The following C9orf153 variants were observed in gnomAD, a reference collection of about 807,000 sequenced individuals.
C9orf153 encodes uncharacterized protein C9orf153.
A neutral mutation model predicts 9.0 loss-of-function variants in C9orf153; 10 were observed. That is an observed-to-expected ratio of 1.11 (90% CI 0.69 to 1.89). C9orf153 has a LOEUF of 1.89. Ranked by LOEUF, C9orf153 falls within the 40% of genes most tolerant of loss-of-function variation. The pLI is 0.00. For missense variants in C9orf153, 108 were observed against 111.0 expected, an observed-to-expected ratio of 0.97 and a Z score of 0.12; for synonymous variants, 35 against 37.3, an observed-to-expected ratio of 0.94 and a Z score of 0.23.
chr9:86,235,674 G>A (rs1176705108), intron 1 of C9orf153, among the ~76,000 whole-genome samples: 5 of 144,834 alleles, frequency 3.5e-5, no homozygotes, highest in East Asian at 4.2e-4. Flanking sequence ...CCCAGGAGGC[G>A]GAGGTTGCAC....
intron 1 of C9orf153, among the ~76,000 whole-genome samples, chr9:86,248,179 G>C (rs1181961882): frequency 6.6e-6 from 1 of 152,072 alleles, no homozygotes; most frequent in Non-Finnish European, 1.5e-5. Flanking sequence ...TGTTGCCCAG[G>C]CTGGAGTGCA....
At chr9:86,233,440 A>G (rs1824512727) in intron 1 of C9orf153, among the ~76,000 whole-genome samples, 2 of 151,806 alleles carry the variant, frequency 1.3e-5, no homozygotes, top group Non-Finnish European at 1.5e-5. Flanking sequence ...TTTTTGAGAC[A>G]GAGTCTGGTT....
At chr9:86,224,940 C>CAAA (rs35723282) in intron 3 of C9orf153, among the ~76,000 whole-genome samples, 1,028 of 73,778 alleles carry the variant, frequency 0.014, 38 homozygotes, top group African/African-American at 0.051. Context: ...GACTCCGTCT[C>CAAA]AAAAAAAAAA....
At chr9:86,227,200 G>A in intron 3 of C9orf153, 1 of 878,788 alleles carries the variant, frequency 1.1e-6, no homozygotes, top group South Asian at 5.2e-5. Context: ...AGGCTGAAAT[G>A]CAGTGGTGTG....
At chr9:86,250,192 C>G (rs1226434402) in intron 1 of C9orf153, among the ~76,000 whole-genome samples, 7 of 151,992 alleles carry the variant, frequency 4.6e-5, no homozygotes, top group Non-Finnish European at 8.8e-5. Context: ...ATGTTTTTTT[C>G]TTTTTAAACT....
chr9:86,236,939 TAAA>T (rs57214746), intron 1 of C9orf153, among the ~76,000 whole-genome samples: 1 of 79,992 alleles, frequency 1.3e-5, no homozygotes, highest in Non-Finnish European at 2.9e-5. Context: ...CGTCTCTAAA[TAAA>T]AAAAAAAAAA....
chr9:86,230,596 C>T (rs1824449044), intron 1 of C9orf153, among the ~76,000 whole-genome samples: 1 of 152,188 alleles, frequency 6.6e-6, no homozygotes, highest in Non-Finnish European at 1.5e-5. Flanking sequence ...CCACCACGCC[C>T]AGCTGGATAG....
At chr9:86,226,996 C>T (rs759979349) in intron 3 of C9orf153, among the ~76,000 whole-genome samples, 3 of 152,190 alleles carry the variant, frequency 2.0e-5, no homozygotes, top group African/African-American at 4.8e-5. Flanking sequence ...GAACTCCTGA[C>T]CTCAGGTGAT....
At chr9:86,248,472 G>A (rs776985487) in intron 1 of C9orf153, among the ~76,000 whole-genome samples, 3 of 152,030 alleles carry the variant, frequency 2.0e-5, no homozygotes, top group Non-Finnish European at 4.4e-5. Flanking sequence ...GAGAGTACGC[G>A]CGCAGGTTTG....
intron 1 of C9orf153, among the ~76,000 whole-genome samples, chr9:86,252,829 A>G (rs574535289): frequency 7.0e-4 from 107 of 152,344 alleles, no homozygotes; most frequent in African/African-American, 2.4e-3. Context: ...CCAGAATTAT[A>G]AATACAAATC....
At chr9:86,240,458 C>T (rs1179100534) in intron 1 of C9orf153, among the ~76,000 whole-genome samples, 1 of 149,000 alleles carries the variant, frequency 6.7e-6, no homozygotes, top group African/African-American at 2.5e-5. Flanking sequence ...CTCACTGTAA[C>T]CTCTGCCCTC....
At chr9:86,231,921 C>G (rs1469410502) in intron 1 of C9orf153, among the ~76,000 whole-genome samples, 2 of 152,134 alleles carry the variant, frequency 1.3e-5, no homozygotes, top group East Asian at 3.9e-4. Flanking sequence ...GAGTTGTCCA[C>G]CATAGGAAGG....
chr9:86,231,702 G>A (rs1055396265), intron 1 of C9orf153, among the ~76,000 whole-genome samples: 2 of 148,900 alleles, frequency 1.3e-5, no homozygotes, highest in Admixed American at 1.3e-4. Context: ...TCACTATATT[G>A]ATATACAGGA....
At chr9:86,255,950 C>T (rs575698755) in intron 1 of C9orf153, among the ~76,000 whole-genome samples, 9 of 152,176 alleles carry the variant, frequency 5.9e-5, no homozygotes, top group South Asian at 2.1e-4. Flanking sequence ...TAATCTAACA[C>T]GTTTTTCAGA....
intron 1 of C9orf153, among the ~76,000 whole-genome samples, chr9:86,252,973 T>C (rs1825028397): frequency 6.7e-6 from 1 of 149,356 alleles, no homozygotes; most frequent in Non-Finnish European, 1.5e-5. Context: ...TTTTAGGTTT[T>C]GTTTTCCAGA....
chr9:86,221,463 G>T lies in C9orf153; in HGVS notation c.*225C>A. The T allele has an allele frequency of 8.3e-7, 1 of 1,208,300 alleles. No individual in the cohort carries two copies. Among genetic ancestry groups the T allele is most frequent in the Non-Finnish European group, 1.1e-6 (1 of 948,864 alleles). 74.8% of individuals were successfully genotyped at this position (1,208,300 alleles called of 1,614,324 possible). On this transcript the variant is annotated 3_prime_UTR_variant, in exon 4 of 4. Coordinates refer to ENST00000339137, the MANE Select transcript of C9orf153 (RefSeq NM_001276366.4). The stretch of plus-strand genomic sequence containing the variant: ...GTGTATTAAATCAATGCTCTCAAAA[G>T]CAAAAATCTACGTCCAAAATATTTT...
intron 3 of C9orf153, among the ~76,000 whole-genome samples, chr9:86,223,479 A>T (rs1824249331): frequency 6.6e-6 from 1 of 152,056 alleles, no homozygotes; most frequent in African/African-American, 2.4e-5. Flanking sequence ...AATAAATAAT[A>T]AAAAAAGAAG....
At chr9:86,232,753 G>T (rs932185730) in intron 1 of C9orf153, among the ~76,000 whole-genome samples, 1 of 151,382 alleles carries the variant, frequency 6.6e-6, no homozygotes, top group African/African-American at 2.4e-5. Context: ...CTTTTTTTGA[G>T]ATAGAGTCTC....
At position 86,239,308 on chromosome 9, in the gene C9orf153, T is replaced by G. The variant is rs561856782; in HGVS notation, c.-26-9679A>C. ...TCATTTAAAAATGTTAACAGTTCCA[T>G]CTAGTGGTAAGATTATGAGAAATTT... On this transcript the variant is annotated intron_variant, in intron 1 of 3. Transcript: ENST00000339137. 5.3e-5 allele frequency among the ~76,000 whole-genome samples: 8 copies of G among 152,190 alleles called. No homozygotes were observed. The East Asian group carries it at 1.5e-3, about 29-fold the overall frequency.
Sources: gnomAD v4.1 joint callset for allele counts (sites outside exome capture counted in the v4.1 genomes callset) on GRCh38, gnomAD v4.1.1 for gene constraint, MANE v1.5 for transcripts, NCBI Gene and HGNC (gene_info 2026-07-23, HGNC 2026-07-21) for gene names.